The following CHMP3 variants were observed in gnomAD, a reference collection of about 807,000 sequenced individuals.
CHMP3 encodes 25.1 protein.
A neutral mutation model predicts 27.4 loss-of-function variants in CHMP3; 8 were observed. That is an observed-to-expected ratio of 0.29 (90% CI 0.17 to 0.53). The LOEUF (loss-of-function observed/expected upper bound fraction) is 0.53, where lower values mean the gene tolerates loss of function less well. Ranked by LOEUF, CHMP3 falls within the 20% of genes least tolerant of loss-of-function variation. The pLI is 0.96. For missense variants in CHMP3, 208 were observed against 271.5 expected (o/e 0.77, Z 1.64); for synonymous variants, 86 against 85.5 (o/e 1.01, Z -0.03).
intron 2 of CHMP3, among the ~76,000 whole-genome samples, chr2:86,534,447 C>T (rs1194034114): frequency 1.3e-5 from 2 of 151,938 alleles, no homozygotes; most frequent in Non-Finnish European, 2.9e-5. Flanking sequence ...CCAACTGCCT[C>T]GGCCTCCCAA....
At chr2:86,529,856 G>A (rs1675846918) in intron 2 of CHMP3, among the ~76,000 whole-genome samples, 1 of 152,124 alleles carries the variant, frequency 6.6e-6, no homozygotes, top group South Asian at 2.1e-4. Context: ...ATGATCAGTA[G>A]TGTTTTCTCC....
At position 86,505,590 on chromosome 2, in the gene CHMP3, A is replaced by T. The variant is rs1020848488; in HGVS notation, c.*214T>A. ...TTCTTTCCCCTCCCCACAATAAGATATATCTGTCTATACTCCTAAAAATGA... is the reference window on the plus strand; with the variant it reads ...TTCTTTCCCCTCCCCACAATAAGATTTATCTGTCTATACTCCTAAAAATGA... On this transcript the variant is annotated 3_prime_UTR_variant, in exon 6 of 6. Coordinates refer to ENST00000263856, the MANE Select transcript of CHMP3 (RefSeq NM_016079.4). The T allele has an allele frequency of 2.0e-6, 1 of 496,756 alleles. No individual in the cohort carries two copies. Among genetic ancestry groups the T allele is most frequent in the Non-Finnish European group, 3.2e-6 (1 of 314,656 alleles). 30.8% of individuals were successfully genotyped at this position (496,756 alleles called of 1,614,324 possible).
At chr2:86,554,772 G>C (rs1382004348) in intron 1 of CHMP3, among the ~76,000 whole-genome samples, 3 of 150,960 alleles carry the variant, frequency 2.0e-5, no homozygotes, top group Non-Finnish European at 4.4e-5. Flanking sequence ...ATTACACAAG[G>C]AAACAATCTA....
Position 86,563,401 on chromosome 2 carries a change from C to A in CHMP3, c.-53G>T, listed in dbSNP as rs1352869840. ...CGGCTTTCAGTTCCCCGCGCCCAGGCAGGTCACGGGCAGCCGCCTGGGCGG... is the reference window on the plus strand; with the variant it reads ...CGGCTTTCAGTTCCCCGCGCCCAGGAAGGTCACGGGCAGCCGCCTGGGCGG... On this transcript the variant is annotated 5_prime_UTR_variant, in exon 1 of 6. Transcript: ENST00000263856. The A allele has an allele frequency of 3.8e-6, 6 of 1,598,518 alleles. No homozygotes were observed. Among genetic ancestry groups the A allele is most frequent in the East Asian group, 4.5e-5 (2 of 44,822 alleles).
intron 1 of CHMP3, among the ~76,000 whole-genome samples, chr2:86,558,870 GAAA>G (rs550691701): frequency 9.2e-6 from 1 of 108,258 alleles, no homozygotes; most frequent in African/African-American, 3.0e-5. Context: ...TCCCTTAAAA[GAAA>G]AAAAAAAAAA....
intron 2 of CHMP3, among the ~76,000 whole-genome samples, chr2:86,530,971 T>C (rs901426440): frequency 6.6e-6 from 1 of 152,226 alleles, no homozygotes; most frequent in Non-Finnish European, 1.5e-5. Flanking sequence ...GTACAGCTTA[T>C]TTGGAGAAAT....
intron 1 of CHMP3, among the ~76,000 whole-genome samples, chr2:86,544,822 CA>C (rs1482967518): frequency 6.6e-6 from 1 of 152,240 alleles, no homozygotes; most frequent in Non-Finnish European, 1.5e-5. Flanking sequence ...CTGCCATCGT[CA>C]TCATGGCCCG....
At chr2:86,545,956 G>A (rs1172150806) in intron 1 of CHMP3, among the ~76,000 whole-genome samples, 4 of 152,208 alleles carry the variant, frequency 2.6e-5, no homozygotes, top group African/African-American at 7.2e-5. Flanking sequence ...CTTCCTAGAC[G>A]GGGTGGTGGC....
intron 1 of CHMP3, chr2:86,562,943 G>T (rs747460768): frequency 3.5e-5 from 7 of 202,862 alleles, no homozygotes; most frequent in South Asian, 3.1e-4. Context: ...GTCCGCAGCC[G>T]GGCTGGAGGG....
rs1348531139 is a variant in CHMP3, at chr2:86,545,547, TGCCGGGCAGAGGC to T, written c.46-3248_46-3236del. Among the ~76,000 whole-genome samples the T allele has an allele frequency of 9.1e-5, 6 of 66,122 alleles. No individual in the cohort carries two copies. In the East Asian group the frequency reaches 1.7e-3, roughly 19 times the overall value. 43.4% of individuals were successfully genotyped at this position (66,122 alleles called of 152,430 possible). On this transcript the variant is annotated intron_variant, in intron 1 of 5. Coordinates refer to ENST00000263856, the MANE Select transcript of CHMP3 (RefSeq NM_016079.4). ...CTCCTCACTTCCCAGACGGGGCGAC[TGCCGGGCAGAGGC>T]GCTCCTCACTTCCCAGACGGGGCGA...
At chr2:86,544,652 G>A (rs979328595) in intron 1 of CHMP3, among the ~76,000 whole-genome samples, 7 of 152,148 alleles carry the variant, frequency 4.6e-5, no homozygotes, top group African/African-American at 9.7e-5. Flanking sequence ...AGAGAGCACC[G>A]GGTTTGGGGT....
At chr2:86,522,181 T>C (rs531239452) in intron 3 of CHMP3, among the ~76,000 whole-genome samples, 4 of 152,116 alleles carry the variant, frequency 2.6e-5, no homozygotes, top group Admixed American at 2.6e-4. Flanking sequence ...TAGGGGAACA[T>C]CTTAAGAAAG....
intron 3 of CHMP3, among the ~76,000 whole-genome samples, chr2:86,528,105 C>T (rs550723677): frequency 1.3e-5 from 2 of 152,044 alleles, no homozygotes; most frequent in Non-Finnish European, 2.9e-5. Context: ...ACTAATGATA[C>T]ATTCATGGTT....
At chr2:86,528,351 C>T (rs1675794141) in intron 3 of CHMP3, among the ~76,000 whole-genome samples, 1 of 152,136 alleles carries the variant, frequency 6.6e-6, no homozygotes, top group Non-Finnish European at 1.5e-5. Context: ...CACAGTCTTG[C>T]TATATTTATT....
chr2:86,510,152 C>A (rs1675043075), intron 4 of CHMP3, among the ~76,000 whole-genome samples: 1 of 152,164 alleles, frequency 6.6e-6, no homozygotes, highest in African/African-American at 2.4e-5. Flanking sequence ...TTTGCTTCTT[C>A]TACAGAACAC....
intron 3 of CHMP3, among the ~76,000 whole-genome samples, chr2:86,528,548 A>C (rs1284956771): frequency 6.6e-6 from 1 of 152,178 alleles, no homozygotes; most frequent in Non-Finnish European, 1.5e-5. Flanking sequence ...TCTGACAGTC[A>C]CTTGCTGCCA....
At chr2:86,521,029 G>T (rs1187408485) in intron 3 of CHMP3, among the ~76,000 whole-genome samples, 2 of 152,132 alleles carry the variant, frequency 1.3e-5, no homozygotes, top group African/African-American at 2.4e-5. Flanking sequence ...CCTTAAGAAG[G>T]TTCTTTATAA....
At chr2:86,514,960 GACC>G (rs974254166) in intron 3 of CHMP3, among the ~76,000 whole-genome samples, 14 of 152,110 alleles carry the variant, frequency 9.2e-5, no homozygotes, top group African/African-American at 3.4e-4. Context: ...AAAGCTAGTT[GACC>G]ACATTTAAAA....
intron 3 of CHMP3, among the ~76,000 whole-genome samples, chr2:86,514,923 A>G (rs1428488435): frequency 6.6e-6 from 1 of 152,214 alleles, no homozygotes; most frequent in Non-Finnish European, 1.5e-5. Flanking sequence ...AAAATTCTAG[A>G]GAAAACATTA....
Sources: allele counts gnomAD v4.1 joint callset (sites outside exome capture counted in the v4.1 genomes callset), GRCh38; gene constraint gnomAD v4.1.1; transcripts MANE v1.5; gene names NCBI Gene and HGNC (gene_info 2026-07-23, HGNC 2026-07-21).